TRAF3: variants seen among roughly 807,000 people sequenced by gnomAD.
TRAF3 encodes the protein TNF receptor associated factor 3.
TRAF3 carries 13 observed loss-of-function variants against 62.3 expected under a neutral mutation model. The ratio of observed to expected loss-of-function variants is 0.21; its 90% CI spans 0.14 to 0.33. TRAF3 has a LOEUF of 0.33. Ranked by LOEUF, TRAF3 falls within the 10% of genes least tolerant of loss-of-function variation. The probability of loss-of-function intolerance (pLI) is 1.00; values close to 1 mark genes in which losing one functional copy is unlikely to be tolerated. For missense variants in TRAF3, 440 were observed against 741.8 expected (o/e 0.59, Z 4.73); for synonymous variants, 269 against 283.4 (o/e 0.95, Z 0.51).
chr14:102,843,616 G>A (rs1214312128), intron 2 of TRAF3, among the ~76,000 whole-genome samples: 2 of 152,128 alleles, frequency 1.3e-5, no homozygotes. Flanking sequence ...GGGATTACAG[G>A]CGTGAGACAC....
At chr14:102,905,132 C>A in intron 11 of TRAF3, 81 bp from the exon 12 acceptor site, 4 of 1,368,810 alleles carry the variant, frequency 2.9e-6, no homozygotes, top group East Asian at 2.3e-5. Flanking sequence ...AATAAAATAA[C>A]GAGTGCTGGT....
chr14:102,874,050 A>G (rs532272250), intron 4 of TRAF3, among the ~76,000 whole-genome samples: 7 of 152,314 alleles, frequency 4.6e-5, no homozygotes, highest in African/African-American at 1.4e-4. Flanking sequence ...ACTTGGGCTC[A>G]GGAGTTCGAG....
chr14:102,789,008 A>G (rs892441425), intron 1 of TRAF3, among the ~76,000 whole-genome samples: 3 of 152,210 alleles, frequency 2.0e-5, no homozygotes, highest in Admixed American at 6.5e-5. Flanking sequence ...CCCTTTACCC[A>G]TTAAGTAATC....
rs60747350 is a variant in TRAF3, at chr14:102,886,625, G to A, written c.651+356G>A. ...ACAAAAACTAGCCAGGTGTGGTGGC[G>A]CGCACCTGTAATCCCAGCTATTCAG... On this transcript the variant is annotated intron_variant, in intron 7 of 11. Transcript: ENST00000392745. Among the ~76,000 whole-genome samples, 1,066 of 152,002 alleles carry A rather than the reference G, an allele frequency of 7.0e-3. 15 individuals carry two copies. Among genetic ancestry groups the A allele is most frequent in the African/African-American group, 0.024 (1,002 of 41,452 alleles).
At chr14:102,805,860 T>C (rs1160037163) in intron 1 of TRAF3, among the ~76,000 whole-genome samples, 1 of 152,208 alleles carries the variant, frequency 6.6e-6, no homozygotes, top group Non-Finnish European at 1.5e-5. Flanking sequence ...ATACCTGTTT[T>C]ACTTTTAGTT....
At chr14:102,886,309 T>C (rs1889384030) in intron 7 of TRAF3, 40 bp downstream of exon 7, 4 of 1,560,500 alleles carry the variant, frequency 2.6e-6, no homozygotes, top group African/African-American at 2.7e-5. Flanking sequence ...TGTGGAGTCC[T>C]CAGGGCTGCG....
intron 2 of TRAF3, among the ~76,000 whole-genome samples, chr14:102,856,688 G>A (rs140161162): frequency 6.6e-6 from 1 of 152,164 alleles, no homozygotes; most frequent in African/African-American, 2.4e-5. Flanking sequence ...TATTCAAGAT[G>A]GAGTTTCTCT....
At chr14:102,798,629 G>A (rs1335986142) in intron 1 of TRAF3, among the ~76,000 whole-genome samples, 2 of 152,120 alleles carry the variant, frequency 1.3e-5, no homozygotes, top group African/African-American at 4.8e-5. Flanking sequence ...GACAGAGCGA[G>A]ACCCTGTCTC....
At chr14:102,904,809 CA>C (rs36006172) in intron 11 of TRAF3, among the ~76,000 whole-genome samples, 8,667 of 79,898 alleles carry the variant, frequency 0.11, 814 homozygotes, top group African/African-American at 0.29. Context: ...GACTCCATCT[CA>C]AAAAAAAAAA....
At chr14:102,788,675 C>G (rs1040468158) in intron 1 of TRAF3, among the ~76,000 whole-genome samples, 1 of 152,062 alleles carries the variant, frequency 6.6e-6, no homozygotes, top group African/African-American at 2.4e-5. Flanking sequence ...GCGCATGCCT[C>G]TAGTCCCAGC....
At chr14:102,863,712 A>G (rs1279115450) in intron 2 of TRAF3, among the ~76,000 whole-genome samples, 1 of 152,224 alleles carries the variant, frequency 6.6e-6, no homozygotes, top group African/African-American at 2.4e-5. Context: ...GCTTTTGGTT[A>G]AATCTATTGT....
At chr14:102,872,108 CTG>C (rs754100475) in intron 4 of TRAF3, 140 bp downstream of exon 4, 35 of 858,618 alleles carry the variant, frequency 4.1e-5, no homozygotes, top group Non-Finnish European at 5.4e-5. Flanking sequence ...AGGCAGGACA[CTG>C]TGCCATGTGA....
At chr14:102,795,616 G>GTGTGTGTGTGTGTGTA (rs1374495391) in intron 1 of TRAF3, among the ~76,000 whole-genome samples, 2 of 151,756 alleles carry the variant, frequency 1.3e-5, no homozygotes, top group African/African-American at 4.9e-5. Context: ...GTGTGTGTGT[G>GTGTGTGTGTGTGTGTA]TGTGCATAGT....
chr14:102,843,102 C>CTG (rs1886475348), intron 2 of TRAF3, among the ~76,000 whole-genome samples: 1 of 151,454 alleles, frequency 6.6e-6, no homozygotes, highest in Non-Finnish European at 1.5e-5. Flanking sequence ...ACTCAGGAGG[C>CTG]CGAGACAGGA....
At chr14:102,896,591 GT>G (rs761851920) in intron 9 of TRAF3, among the ~76,000 whole-genome samples, 1 of 152,156 alleles carries the variant, frequency 6.6e-6, no homozygotes, top group Non-Finnish European at 1.5e-5. Context: ...ATAAGCATCT[GT>G]TTCTTACTAT....
intron 1 of TRAF3, among the ~76,000 whole-genome samples, chr14:102,786,300 T>A (rs1054508174): frequency 6.6e-6 from 1 of 152,232 alleles, no homozygotes; most frequent in African/African-American, 2.4e-5. Flanking sequence ...ACATTATGAA[T>A]GTATTTAATA....
At chr14:102,822,754 C>T (rs138173111) in intron 1 of TRAF3, among the ~76,000 whole-genome samples, 2,630 of 152,242 alleles carry the variant, frequency 0.017, 72 homozygotes, top group African/African-American at 0.061. Context: ...GCCTGTAATC[C>T]CAGCACTTTG....
At chr14:102,798,108 G>A (rs1328231468) in intron 1 of TRAF3, among the ~76,000 whole-genome samples, 3 of 152,122 alleles carry the variant, frequency 2.0e-5, no homozygotes, top group Non-Finnish European at 2.9e-5. Context: ...AGTTCAGCAT[G>A]TATTAACTAC....
At chr14:102,872,066 C>T in intron 4 of TRAF3, 98 bp downstream of exon 4, 1 of 1,339,558 alleles carries the variant, frequency 7.5e-7, no homozygotes, top group Non-Finnish European at 1.1e-6. Flanking sequence ...AACACATTCT[C>T]TCAGTTTTGG....
Sources: gnomAD v4.1 joint callset for allele counts (sites outside exome capture counted in the v4.1 genomes callset) on GRCh38, gnomAD v4.1.1 for gene constraint, MANE v1.5 for transcripts, NCBI Gene and HGNC (gene_info 2026-07-23, HGNC 2026-07-21) for gene names.